TEX14: variants seen among roughly 807,000 people sequenced by gnomAD.
The protein encoded by TEX14 is inactive serine/threonine-protein kinase TEX14.
TEX14 carries 168 observed loss-of-function variants against 178.6 expected under a neutral mutation model. The observed-to-expected ratio is 0.94, with a 90% CI of 0.83 to 1.07. The LOEUF (loss-of-function observed/expected upper bound fraction) is 1.07. Among genes scored for constraint, TEX14 ranks in the 50% least tolerant of loss-of-function variants. TEX14 has a pLI of 0.00. For synonymous variants in TEX14, 626 were observed against 634.1 expected, an observed-to-expected ratio of 0.99 and a Z score of 0.19; for missense variants, 1,730 against 1,753.6, an observed-to-expected ratio of 0.99 and a Z score of 0.24.
Position 58,596,673 on chromosome 17 carries a change from C to G in TEX14, c.2469+2203G>C, listed in dbSNP as rs74335165. Among the ~76,000 whole-genome samples the G allele has an allele frequency of 1.3e-3, 198 of 150,094 alleles. 2 individuals are homozygous for G. Among genetic ancestry groups the G allele is most frequent in the East Asian group, 0.012 (61 of 5,034 alleles). ...CCAAGGCGGGTGGATTGCTTGAGCT[C>G]AAGAGTTTGAGAGCAGCCTGGGCAA... On this transcript the variant is annotated intron_variant, in intron 14 of 31. Transcript: ENST00000349033.
intron 2 of TEX14, among the ~76,000 whole-genome samples, chr17:58,647,614 CAAA>C (rs67832814): frequency 2.7e-4 from 31 of 115,308 alleles, no homozygotes; most frequent in Non-Finnish European, 2.1e-4. Context: ...TGAGGTCAGG[CAAA>C]AAAAAAAAAA....
At chr17:58,568,343 T>C (rs756201323) in intron 26 of TEX14, among the ~76,000 whole-genome samples, 3 of 152,232 alleles carry the variant, frequency 2.0e-5, no homozygotes, top group Non-Finnish European at 4.4e-5. Flanking sequence ...AGGGTTATGA[T>C]AATGACCCTG....
At chr17:58,581,385 G>A (rs1414706318) in intron 19 of TEX14, among the ~76,000 whole-genome samples, 1 of 151,208 alleles carries the variant, frequency 6.6e-6, no homozygotes, top group Non-Finnish European at 1.5e-5. Flanking sequence ...ACAATTTTGG[G>A]AGAAACTGCA....
chr17:58,618,390 C>T (rs980641162), intron 5 of TEX14, among the ~76,000 whole-genome samples: 5 of 152,208 alleles, frequency 3.3e-5, no homozygotes, highest in Admixed American at 6.5e-5. Flanking sequence ...AGTGACCAGA[C>T]ACTGATGTTG....
At chr17:58,607,768 A>G (rs2045644135) in intron 10 of TEX14, among the ~76,000 whole-genome samples, 1 of 152,264 alleles carries the variant, frequency 6.6e-6, no homozygotes, top group South Asian at 2.1e-4. Flanking sequence ...ACACATAGCC[A>G]GAGAGGTCAA....
intron 1 of TEX14, among the ~76,000 whole-genome samples, chr17:58,683,052 CAAA>C (rs1194798521): frequency 5.2e-4 from 28 of 54,034 alleles, no homozygotes; most frequent in African/African-American, 1.8e-3. Context: ...GAGTCTGTCT[CAAA>C]AAAAAAAAAA....
chr17:58,602,444 T>C lies in TEX14; in HGVS notation c.1483A>G (p.Met495Val). The C allele has an allele frequency of 1.2e-6, 2 of 1,614,128 alleles. No individual in the cohort carries two copies. Among genetic ancestry groups the C allele is most frequent in the Non-Finnish European group, 1.7e-6 (2 of 1,180,020 alleles). ...GIHVKQKDRTMNLQDIRYILK... is the reference protein window; with the variant it reads ...GIHVKQKDRTVNLQDIRYILK... ...ATATACCGGATATCTTGAAGGTTCA[T>C]AGTTCGGTCTTTCTGCTTGACGTGG... The change falls in exon 12 of 32, where the codon ATG becomes GTG. Residue 495 changes from methionine to valine, a missense_variant. Coordinates refer to ENST00000349033, the MANE Select transcript of TEX14 (RefSeq NM_031272.5).
intron 2 of TEX14, 91 bp from the exon 3 acceptor site, chr17:58,630,645 G>A (rs752761969): frequency 3.4e-4 from 287 of 852,804 alleles, no homozygotes; most frequent in Non-Finnish European, 5.0e-4. Context: ...TATTTTTATA[G>A]TGTACTTTCA....
At chr17:58,686,886 T>C (rs1428347732) in intron 1 of TEX14, among the ~76,000 whole-genome samples, 1 of 141,170 alleles carries the variant, frequency 7.1e-6, no homozygotes, top group Non-Finnish European at 1.5e-5. Flanking sequence ...TTTTTTTTTT[T>C]TTTTTGAGAT....
intron 2 of TEX14, among the ~76,000 whole-genome samples, chr17:58,644,728 G>GC (rs1044684215): frequency 9.4e-5 from 11 of 117,026 alleles, no homozygotes; most frequent in African/African-American, 1.6e-4. Flanking sequence ...TGCAACCTCC[G>GC]CCCCCCCTGG....
chr17:58,580,600 G>A (rs999720061), intron 19 of TEX14, among the ~76,000 whole-genome samples: 11 of 152,102 alleles, frequency 7.2e-5, no homozygotes, highest in Non-Finnish European at 5.9e-5. Context: ...GTGAGCTACC[G>A]CGCCTGGCCT....
In TEX14 at chr17:58,691,923, G is replaced by A. The variant is rs542629624; in HGVS notation, c.-2+16C>T. On this transcript the variant is annotated intron_variant, in intron 1 of 31. Transcript: ENST00000349033. ...CCAGGAGCCCAGACACACTAATGGG[G>A]ACATTAGTTGCTTACTTTTCCAGCT... is the stretch of plus-strand genomic sequence containing the variant. 5.9e-5 allele frequency: 9 copies of A among 152,620 alleles called. No individual in the cohort carries two copies. The highest frequency in any genetic ancestry group is 2.2e-4 in the African/African-American group (9 of 41,478). The allele number at this position is 152,620 out of a possible 1,614,324, so 9.5% of individuals were successfully genotyped here.
chr17:58,562,809 C>G (rs1032928406), intron 28 of TEX14, among the ~76,000 whole-genome samples: 10 of 151,420 alleles, frequency 6.6e-5, no homozygotes, highest in African/African-American at 1.5e-4. Context: ...CTGCGCCTGG[C>G]CCCTGTAATG....
At position 58,570,383 on chromosome 17, in the gene TEX14, A is replaced by G; in HGVS notation, c.3817+2T>C. On this transcript the variant is annotated splice_donor_variant, in intron 25 of 31. Coordinates refer to ENST00000349033, the MANE Select transcript of TEX14 (RefSeq NM_031272.5). LOFTEE classifies it high-confidence loss of function. ...TCTATTTTGATATTAAACACAGGGT[A>G]CCTTTAGGCAGGCTCCTTCTCTGGG... The G allele has an allele frequency of 2.0e-6, 3 of 1,501,596 alleles. No individual in the cohort carries two copies. The highest frequency in any genetic ancestry group is 2.6e-6 in the Non-Finnish European group (3 of 1,136,272). The allele number at this position is 1,501,596 out of a possible 1,614,324, so 93.0% of individuals were successfully genotyped here. A position where few individuals can be genotyped will look rare whatever the true frequency, so the allele number is the denominator to read the frequency against.
Position 58,585,877 on chromosome 17 carries a change from G to T in TEX14, c.2994C>A (p.Gly998=), listed in dbSNP as rs1415437061. ...HRENDEPRGN[G]KFDKTGNNDC... ...CATTGTTGCCCGTCTTGTCAAACTT[G>T]CCATTTCCTCTGGGCTCATCATTTT... Residue 998 remains glycine (G), a synonymous_variant, in exon 18 of 32, where the codon GGC becomes GGA. Coordinates refer to ENST00000349033, the MANE Select transcript of TEX14 (RefSeq NM_031272.5). The T allele has an allele frequency of 6.2e-7, 1 of 1,614,014 alleles. No individual in the cohort carries two copies.
intron 15 of TEX14, among the ~76,000 whole-genome samples, chr17:58,591,236 G>A (rs965703437): frequency 2.0e-5 from 3 of 152,156 alleles, no homozygotes; most frequent in African/African-American, 7.2e-5. Flanking sequence ...TAAAATGTCT[G>A]GCTGGGCGCG....
At chr17:58,671,138 G>T (rs1378060054) in intron 1 of TEX14, among the ~76,000 whole-genome samples, 1 of 152,046 alleles carries the variant, frequency 6.6e-6, no homozygotes. Context: ...TAATTTTTCA[G>T]ATCTGTCTTC....
intron 10 of TEX14, 85 bp from the exon 11 acceptor site, chr17:58,605,214 CAG>C: frequency 4.7e-6 from 7 of 1,474,242 alleles, no homozygotes; most frequent in Non-Finnish European, 5.5e-6. Context: ...TTCATTCATT[CAG>C]AGTCTTGCCC....
chr17:58,656,839 C>G (rs1438967282), intron 1 of TEX14, among the ~76,000 whole-genome samples: 2 of 142,732 alleles, frequency 1.4e-5, no homozygotes, highest in Non-Finnish European at 3.0e-5. Context: ...ACAAGAATCA[C>G]TTGAACCTGG....
Sources: gnomAD v4.1 joint callset for allele counts (sites outside exome capture counted in the v4.1 genomes callset) on GRCh38, gnomAD v4.1.1 for gene constraint, MANE v1.5 for transcripts, NCBI Gene and HGNC (gene_info 2026-07-23, HGNC 2026-07-21) for gene names.